The following ABLIM1 variants were observed in gnomAD, a reference collection of about 807,000 sequenced individuals.
ABLIM1 encodes actin binding LIM protein 1.
ABLIM1 carries 40 observed loss-of-function variants against 107.0 expected under a neutral mutation model. The observed-to-expected ratio is 0.37, with a 90% CI of 0.29 to 0.49. The LOEUF is 0.49. Ranked by LOEUF, ABLIM1 falls within the 20% of genes least tolerant of loss-of-function variation. ABLIM1 has a pLI of 0.97. For synonymous variants in ABLIM1, 357 were observed against 357.3 expected (o/e 1.00, Z 0.01); for missense variants, 857 against 1,008.5 (o/e 0.85, Z 2.04).
intron 6 of ABLIM1, among the ~76,000 whole-genome samples, chr10:114,529,719 C>T (rs1451761284): frequency 1.3e-5 from 2 of 152,182 alleles, no homozygotes; most frequent in Admixed American, 6.5e-5. Flanking sequence ...GGGGAAAGAA[C>T]GTGAAGAGGA....
chr10:114,652,655 C>A (rs2079304920), intron 1 of ABLIM1, among the ~76,000 whole-genome samples: 1 of 152,220 alleles, frequency 6.6e-6, no homozygotes, highest in Non-Finnish European at 1.5e-5. Flanking sequence ...GGGATTTGGA[C>A]TCAGCTGACA....
intron 1 of ABLIM1, among the ~76,000 whole-genome samples, chr10:114,763,090 G>C (rs1377051505): frequency 1.3e-5 from 2 of 152,170 alleles, no homozygotes; most frequent in Non-Finnish European, 2.9e-5. Context: ...AAAGCCAGCA[G>C]TTTCACTGAG....
At chr10:114,470,406 A>G (rs1431755394) in intron 10 of ABLIM1, among the ~76,000 whole-genome samples, 1 of 130,438 alleles carries the variant, frequency 7.7e-6, no homozygotes, top group Non-Finnish European at 1.6e-5. Context: ...TGGGTGACAG[A>G]GTGAGACTCC....
chr10:114,590,463 G>C (rs1386670468), intron 2 of ABLIM1, among the ~76,000 whole-genome samples: 1 of 152,166 alleles, frequency 6.6e-6, no homozygotes, highest in Non-Finnish European at 1.5e-5. Flanking sequence ...AAGAGTTTTA[G>C]AAGTTTAACC....
intron 1 of ABLIM1, among the ~76,000 whole-genome samples, chr10:114,696,413 G>A (rs1431006491): frequency 5.3e-5 from 8 of 152,078 alleles, no homozygotes; most frequent in Non-Finnish European, 5.9e-5. Context: ...AGATGTGTCT[G>A]GTCTCTCTGT....
chr10:114,735,617 A>G (rs1432356034), intron 1 of ABLIM1, among the ~76,000 whole-genome samples: 1 of 152,124 alleles, frequency 6.6e-6, no homozygotes, highest in African/African-American at 2.4e-5. Context: ...CTACAGGCAC[A>G]CGCTACCACG....
intron 11 of ABLIM1, among the ~76,000 whole-genome samples, 182 bp downstream of exon 11, chr10:114,467,999 T>C (rs2065554483): frequency 6.6e-6 from 1 of 152,104 alleles, no homozygotes; most frequent in Non-Finnish European, 1.5e-5. Flanking sequence ...TTAAGAGAAA[T>C]ATATTGCTGT....
At chr10:114,440,115 T>C in intron 19 of ABLIM1, 26 bp from the exon 20 acceptor site, 1 of 1,600,166 alleles carries the variant, frequency 6.2e-7, no homozygotes, top group Non-Finnish European at 8.6e-7. Flanking sequence ...AAAGAAAATA[T>C]CATAAGGGAA....
chr10:114,458,817 A>T (rs1159202101), intron 12 of ABLIM1, among the ~76,000 whole-genome samples: 2 of 152,234 alleles, frequency 1.3e-5, no homozygotes, highest in Admixed American at 1.3e-4. Flanking sequence ...AGGGGAAGCA[A>T]GAGAAACTTA....
chr10:114,527,652 C>T (rs1034813888), intron 6 of ABLIM1, among the ~76,000 whole-genome samples: 1 of 143,868 alleles, frequency 7.0e-6, no homozygotes, highest in Non-Finnish European at 1.5e-5. Context: ...TCTGTAACAA[C>T]TCTTGTCTTT....
chr10:114,698,414 A>G lies in ABLIM1; in HGVS notation c.-213+69647T>C, dbSNP rs535877604. On this transcript the variant is annotated intron_variant, in intron 1 of 15. Coordinates refer to the ABLIM1 transcript ENST00000651092. ...ATAAAGGAGATTAAAAATGTAAAAA[A>G]AAAAAAAAAGAATTAAGAGATATGG... is the stretch of plus-strand genomic sequence containing the variant. 5.1e-4 allele frequency among the ~76,000 whole-genome samples: 77 copies of G among 151,992 alleles called. 1 individual carries two copies. The South Asian group carries it at 0.013, about 26-fold the overall frequency.
intron 12 of ABLIM1, among the ~76,000 whole-genome samples, chr10:114,455,198 A>T (rs1459700074): frequency 6.6e-6 from 1 of 152,230 alleles, no homozygotes; most frequent in Admixed American, 6.5e-5. Flanking sequence ...GCAGTAAGAT[A>T]TTCCAAATAT....
At position 114,487,904 on chromosome 10, in the gene ABLIM1, A is replaced by G. The variant is rs569964517; in HGVS notation, c.1041+54T>C. 2.4e-4 allele frequency: 380 copies of G among 1,595,234 alleles called. 7 individuals are homozygous for G. In the South Asian group the frequency reaches 4.1e-3, roughly 17 times the overall value. ...ACCCTAGCCCCAAGAATTAGTGACC[A>G]CGAGCGTATGGCCTACAAATGCAGC... On this transcript the variant is annotated intron_variant, in intron 8 of 22. Coordinates refer to ENST00000533213, the MANE Select transcript of ABLIM1 (RefSeq NM_002313.7).
chr10:114,470,248 C>A (rs1234924293), intron 10 of ABLIM1, among the ~76,000 whole-genome samples: 1 of 151,946 alleles, frequency 6.6e-6, no homozygotes, highest in Non-Finnish European at 1.5e-5. Flanking sequence ...CATGGAGAAA[C>A]CCCAACTCTA....
At chr10:114,520,137 A>G (rs2136395473) in intron 6 of ABLIM1, among the ~76,000 whole-genome samples, 1 of 152,378 alleles carries the variant, frequency 6.6e-6, no homozygotes, top group East Asian at 1.9e-4. Context: ...GCAGGGCCAT[A>G]GTAAACAGTC....
chr10:114,709,423 T>C (rs924594276), intron 1 of ABLIM1, among the ~76,000 whole-genome samples: 2 of 152,196 alleles, frequency 1.3e-5, no homozygotes, highest in African/African-American at 4.8e-5. Context: ...AAACAGAAGT[T>C]CTCTCCTGTC....
At chr10:114,439,910 G>A in intron 20 of ABLIM1, 172 bp downstream of exon 20, 2 of 1,150,330 alleles carry the variant, frequency 1.7e-6, no homozygotes, top group Non-Finnish European at 2.4e-6. Context: ...GGGACAGCTT[G>A]ACCCAGGCAC....
intron 11 of ABLIM1, among the ~76,000 whole-genome samples, chr10:114,466,907 T>C (rs1590014752): frequency 1.3e-5 from 2 of 152,166 alleles, no homozygotes; most frequent in Non-Finnish European, 2.9e-5. Context: ...GCCTGTAATT[T>C]CAGCACTCTG....
chr10:114,534,462 A>C (rs1272940256), intron 6 of ABLIM1, among the ~76,000 whole-genome samples: 1 of 129,452 alleles, frequency 7.7e-6, no homozygotes, highest in Non-Finnish European at 1.6e-5. Flanking sequence ...TCTCTGAAGA[A>C]GCTGCAACGG....
Sources: allele counts gnomAD v4.1 joint callset (sites outside exome capture counted in the v4.1 genomes callset), GRCh38; gene constraint gnomAD v4.1.1; transcripts MANE v1.5; gene names NCBI Gene and HGNC (gene_info 2026-07-23, HGNC 2026-07-21).